Variants in P3H2 observed in about 807,000 individuals in gnomAD.
P3H2 encodes the protein leprecan-like 1.
Under a neutral mutation model 87.0 loss-of-function variants are expected in P3H2, and 80 were observed. The ratio of observed to expected loss-of-function variants is 0.92; its 90% confidence interval spans 0.77 to 1.11. The LOEUF is 1.11. P3H2 is among the 50% of genes least tolerant of loss of function. The pLI is 0.00. For synonymous variants in P3H2, 367 were observed against 359.3 expected (o/e 1.02, Z -0.24); for missense variants, 1,001 against 923.9 (o/e 1.08, Z -1.08).
intron 1 of P3H2, among the ~76,000 whole-genome samples, chr3:190,001,876 TA>T (rs1724228117): frequency 6.6e-6 from 1 of 152,162 alleles, no homozygotes; most frequent in African/African-American, 2.4e-5. Context: ...ACCAAATAAA[TA>T]AATACATTTC....
chr3:190,066,539 A>G (rs548872028), intron 1 of P3H2, among the ~76,000 whole-genome samples: 1 of 152,130 alleles, frequency 6.6e-6, no homozygotes, highest in African/African-American at 2.4e-5. Flanking sequence ...GGTTCAGTGT[A>G]TACTGCTCAG....
chr3:190,014,544 C>A (rs1431243363), intron 1 of P3H2, among the ~76,000 whole-genome samples: 1 of 152,184 alleles, frequency 6.6e-6, no homozygotes, highest in African/African-American at 2.4e-5. Flanking sequence ...CTCCAATTGG[C>A]TGCATCTGAG....
chr3:190,081,264 A>G (rs1193275743), intron 1 of P3H2, among the ~76,000 whole-genome samples: 4 of 152,152 alleles, frequency 2.6e-5, no homozygotes, highest in Admixed American at 2.6e-4. Context: ...TAAAATAGAG[A>G]TTATAGTATG....
intron 1 of P3H2, among the ~76,000 whole-genome samples, chr3:190,100,716 T>G (rs1711595765): frequency 1.3e-5 from 2 of 151,730 alleles, no homozygotes; most frequent in African/African-American, 4.9e-5. Context: ...AACTGACATA[T>G]GAAGTTGGTA....
chr3:190,070,270 T>G (rs1726655088), intron 1 of P3H2, among the ~76,000 whole-genome samples: 1 of 152,154 alleles, frequency 6.6e-6, no homozygotes, highest in African/African-American at 2.4e-5. Flanking sequence ...AAGCAGATTT[T>G]GGCTCAGTGC....
chr3:189,981,472 G>A (rs1475302754), intron 8 of P3H2, among the ~76,000 whole-genome samples: 1 of 152,100 alleles, frequency 6.6e-6, no homozygotes, highest in Non-Finnish European at 1.5e-5. Flanking sequence ...ATGAATATGA[G>A]AGTACGGTAG....
At chr3:190,054,510 T>C (rs1726088548) in intron 1 of P3H2, among the ~76,000 whole-genome samples, 1 of 151,404 alleles carries the variant, frequency 6.6e-6, no homozygotes, top group Non-Finnish European at 1.5e-5. Context: ...AGGATCTTTA[T>C]TTTTTTTTCA....
chr3:189,971,715 A>T, intron 12 of P3H2, 175 bp downstream of exon 12: 1 of 615,138 alleles, frequency 1.6e-6, no homozygotes, highest in Non-Finnish European at 3.0e-6. Flanking sequence ...TTTTAAGATA[A>T]AAGTGAGATG....
At chr3:189,979,789 C>G (rs1016304049) in intron 8 of P3H2, among the ~76,000 whole-genome samples, 23 of 151,704 alleles carry the variant, frequency 1.5e-4, no homozygotes, top group Non-Finnish European at 3.1e-4. Context: ...TGGTGAAACC[C>G]CGTCTCTACT....
At chr3:189,967,786 T>C (rs570912676) in intron 13 of P3H2, among the ~76,000 whole-genome samples, 2 of 152,312 alleles carry the variant, frequency 1.3e-5, no homozygotes, top group South Asian at 4.1e-4. Context: ...TTCTTAGTTA[T>C]TACAATGTTT....
rs188908602 is a variant in P3H2 at position 190,015,622 on chromosome 3, C to A, written c.481-20180G>T. ...TACTCCTCAAGATAAAATACCTCCC[C>A]AAGAGTAGGTCCAGCATTTCTGATT... On this transcript the variant is annotated intron_variant, in intron 1 of 14. Transcript: ENST00000319332. Among the ~76,000 whole-genome samples, 7 of 152,258 alleles carry A rather than the reference C, an allele frequency of 4.6e-5. No individual in the cohort carries two copies. The East Asian group carries it at 1.4e-3, about 29-fold the overall frequency.
chr3:189,966,139 G>GAAA (rs369810945), intron 13 of P3H2, among the ~76,000 whole-genome samples: 1 of 93,550 alleles, frequency 1.1e-5, no homozygotes, highest in Non-Finnish European at 2.5e-5. Flanking sequence ...AAGAAAGAAA[G>GAAA]AAAGAAAGAA....
intron 1 of P3H2, among the ~76,000 whole-genome samples, chr3:190,105,454 T>C (rs980462568): frequency 6.6e-6 from 1 of 152,240 alleles, no homozygotes; most frequent in Non-Finnish European, 1.5e-5. Context: ...TTCTCATATA[T>C]GGTTTTGAGC....
At chr3:189,973,409 C>G (rs7636690) in intron 10 of P3H2, among the ~76,000 whole-genome samples, 1 of 150,886 alleles carries the variant, frequency 6.6e-6, no homozygotes, top group African/African-American at 2.4e-5. Context: ...GATGGCTGAA[C>G]GGAGGAATGA....
At chr3:190,024,969 C>A (rs1725043319) in intron 1 of P3H2, among the ~76,000 whole-genome samples, 1 of 151,988 alleles carries the variant, frequency 6.6e-6, no homozygotes, top group Non-Finnish European at 1.5e-5. Flanking sequence ...AGTCCAAAAA[C>A]AGACTGACTT....
chr3:189,967,633 TA>T (rs1420305420), intron 13 of P3H2, among the ~76,000 whole-genome samples: 1 of 151,882 alleles, frequency 6.6e-6, no homozygotes. Context: ...TAAACTCCAA[TA>T]CAGATCGTCA....
At chr3:190,019,615 C>T (rs1724873427) in intron 1 of P3H2, among the ~76,000 whole-genome samples, 1 of 78,262 alleles carries the variant, frequency 1.3e-5, no homozygotes, top group Admixed American at 1.3e-4. Context: ...AGACAGATGA[C>T]CTGGGTCTGT....
chr3:189,985,853 T>A (rs184416439), intron 6 of P3H2, among the ~76,000 whole-genome samples: 55 of 152,194 alleles, frequency 3.6e-4, no homozygotes, highest in Admixed American at 2.0e-3. Context: ...ATTCTACCTA[T>A]CTAAAATTCT....
chr3:190,106,341 C>T (rs1711836580), intron 1 of P3H2, among the ~76,000 whole-genome samples: 3 of 152,124 alleles, frequency 2.0e-5, no homozygotes, highest in Admixed American at 2.0e-4. Context: ...GTCTGTGCTA[C>T]AGTGCGCAGT....
Sources: allele counts gnomAD v4.1 joint callset (sites outside exome capture counted in the v4.1 genomes callset), GRCh38; gene constraint gnomAD v4.1.1; transcripts MANE v1.5; gene names NCBI Gene and HGNC (gene_info 2026-07-23, HGNC 2026-07-21).